The following TBC1D22A variants were observed in gnomAD, a reference collection of about 807,000 sequenced individuals.
TBC1D22A encodes the protein putative GTPase activator.
TBC1D22A carries 38 observed loss-of-function variants against 60.2 expected under a neutral mutation model. The observed-to-expected ratio is 0.63, with a 90% confidence interval of 0.49 to 0.83. The LOEUF is 0.83. Ranked by LOEUF, TBC1D22A falls within the 40% of genes least tolerant of loss-of-function variation. The pLI is 0.00. For missense variants in TBC1D22A, 628 were observed against 701.0 expected (o/e 0.90, Z 1.18); for synonymous variants, 302 against 281.7 (o/e 1.07, Z -0.72).
intron 12 of TBC1D22A, among the ~76,000 whole-genome samples, chr22:47,167,472 G>T (rs917109141): frequency 6.6e-6 from 1 of 152,240 alleles, no homozygotes; most frequent in African/African-American, 2.4e-5. Context: ...GAGGGTTACA[G>T]CTCTTTTACT....
At chr22:46,883,727 C>A (rs2067967671) in intron 5 of TBC1D22A, among the ~76,000 whole-genome samples, 1 of 152,214 alleles carries the variant, frequency 6.6e-6, no homozygotes, top group South Asian at 2.1e-4. Flanking sequence ...GAAGGCTGGG[C>A]CCCTTCACTG....
At chr22:46,891,939 A>G (rs2147605855) in intron 6 of TBC1D22A, among the ~76,000 whole-genome samples, 1 of 152,348 alleles carries the variant, frequency 6.6e-6, no homozygotes, top group Non-Finnish European at 1.5e-5. Context: ...TTTGTGATTT[A>G]GTTTAATATA....
chr22:47,074,918 A>G (rs2064141107), intron 11 of TBC1D22A, among the ~76,000 whole-genome samples: 1 of 152,190 alleles, frequency 6.6e-6, no homozygotes, highest in African/African-American at 2.4e-5. Flanking sequence ...AGATTGAACA[A>G]AGGGGTGTAA....
Position 46,991,942 on chromosome 22 carries a change from C to T in TBC1D22A, c.1126-5692C>T, listed in dbSNP as rs148620253. Among the ~76,000 whole-genome samples, 87 of 152,346 alleles carry T rather than the reference C, an allele frequency of 5.7e-4. 1 individual carries two copies. In the East Asian group the frequency reaches 0.015, roughly 27 times the overall value. On this transcript the variant is annotated intron_variant, in intron 9 of 12. Coordinates refer to ENST00000337137, the MANE Select transcript of TBC1D22A (RefSeq NM_014346.5). ...CATCTCTGCTCAGACCTCACACCCT[C>T]CAAGTGGTCTTCCAGGACCAGCCCT...
At chr22:46,822,326 C>T (rs2085866488) in intron 4 of TBC1D22A, among the ~76,000 whole-genome samples, 1 of 147,862 alleles carries the variant, frequency 6.8e-6, no homozygotes, top group Non-Finnish European at 1.5e-5. Flanking sequence ...GCACTCTGGC[C>T]TTTTGGGTTT....
intron 4 of TBC1D22A, among the ~76,000 whole-genome samples, chr22:46,798,634 A>G (rs2084761377): frequency 6.6e-6 from 1 of 152,210 alleles, no homozygotes; most frequent in African/African-American, 2.4e-5. Flanking sequence ...GGTGTTTGCT[A>G]GACGCTGGAG....
chr22:46,762,883 G>GGGTCAGA (rs1174863287), intron 1 of TBC1D22A, 35 bp downstream of exon 1: 5 of 1,470,204 alleles, frequency 3.4e-6, no homozygotes, highest in Non-Finnish European at 4.5e-6. Context: ...TCGGGGTCAG[G>GGGTCAGA]GGTCAGAGGT....
chr22:47,010,019 CA>C (rs2061710226), intron 10 of TBC1D22A, among the ~76,000 whole-genome samples: 1 of 152,242 alleles, frequency 6.6e-6, no homozygotes, highest in African/African-American at 2.4e-5. Flanking sequence ...AAAATGCCAA[CA>C]AAACGCGGTA....
intron 1 of TBC1D22A, among the ~76,000 whole-genome samples, chr22:46,775,275 C>A (rs971012713): frequency 6.6e-6 from 1 of 152,318 alleles, no homozygotes; most frequent in Middle Eastern, 3.4e-3. Context: ...GGGAGGCTAG[C>A]GAGTTGCCTG....
At chr22:47,161,659 G>A (rs2067988748) in intron 12 of TBC1D22A, among the ~76,000 whole-genome samples, 1 of 152,226 alleles carries the variant, frequency 6.6e-6, no homozygotes, top group Admixed American at 6.5e-5. Flanking sequence ...AAGGGGCTGA[G>A]TGTCTCGTCT....
chr22:46,769,093 C>CAAAAAAAA (rs61105868), intron 1 of TBC1D22A, among the ~76,000 whole-genome samples: 1 of 72,648 alleles, frequency 1.4e-5, no homozygotes, highest in Non-Finnish European at 2.5e-5. Flanking sequence ...GACTCTGTCT[C>CAAAAAAAA]AAAAAAAAAA....
chr22:47,034,982 G>A (rs1241596540), intron 10 of TBC1D22A, among the ~76,000 whole-genome samples: 1 of 152,038 alleles, frequency 6.6e-6, no homozygotes, highest in Non-Finnish European at 1.5e-5. Context: ...CCAGCCACTC[G>A]TCCACCCAAA....
chr22:46,800,438 A>G (rs2084847388), intron 4 of TBC1D22A, among the ~76,000 whole-genome samples: 1 of 152,150 alleles, frequency 6.6e-6, no homozygotes, highest in African/African-American at 2.4e-5. Flanking sequence ...CTAGCATGCC[A>G]GTGCCCCTTC....
At chr22:46,807,972 GAAAAAGCAAAAAAATAA>G (rs2085221597) in intron 4 of TBC1D22A, among the ~76,000 whole-genome samples, 1 of 150,400 alleles carries the variant, frequency 6.6e-6, no homozygotes, top group African/African-American at 2.4e-5. Flanking sequence ...GTCTCTAAAA[GAAAAAGCAAAAAAATAA>G]AAAAGAAACT....
rs940301187 is a variant in TBC1D22A at position 47,051,056 on chromosome 22, G to C, written c.1329+13858G>C. The stretch of plus-strand genomic sequence containing the variant: ...GGCGGCGGCTCTGGGGCTTCCCCAG[G>C]GGGCTTCCGTGGGTTCTGCCCTGTG... On this transcript the variant is annotated intron_variant, in intron 11 of 12. Transcript: ENST00000337137. Among the ~76,000 whole-genome samples, 4 of 152,190 alleles carry C rather than the reference G, an allele frequency of 2.6e-5. No individual in the cohort carries two copies. In the South Asian group the frequency reaches 6.2e-4, roughly 24 times the overall value.
At chr22:46,923,401 A>G (rs973181561) in intron 8 of TBC1D22A, among the ~76,000 whole-genome samples, 1 of 152,200 alleles carries the variant, frequency 6.6e-6, no homozygotes, top group Non-Finnish European at 1.5e-5. Context: ...GCACCATGGT[A>G]TCACCTCTGT....
At chr22:47,150,802 C>T (rs1441765240) in intron 12 of TBC1D22A, among the ~76,000 whole-genome samples, 4 of 152,284 alleles carry the variant, frequency 2.6e-5, no homozygotes, top group Admixed American at 1.3e-4. Flanking sequence ...CCTGCACCCA[C>T]GGGGCTCCCG....
At chr22:46,949,130 A>T (rs1407630008) in intron 8 of TBC1D22A, among the ~76,000 whole-genome samples, 2 of 152,216 alleles carry the variant, frequency 1.3e-5, no homozygotes, top group Admixed American at 1.3e-4. Context: ...GTCTTTGTTC[A>T]AGAGACTGAT....
chr22:47,161,486 C>A (rs1418598249), intron 12 of TBC1D22A, among the ~76,000 whole-genome samples: 1 of 152,224 alleles, frequency 6.6e-6, no homozygotes, highest in Non-Finnish European at 1.5e-5. Context: ...CATGGATAGA[C>A]CAAAATTGCC....
Sources: gnomAD v4.1 joint callset for allele counts (sites outside exome capture counted in the v4.1 genomes callset) on GRCh38, gnomAD v4.1.1 for gene constraint, MANE v1.5 for transcripts, NCBI Gene and HGNC (gene_info 2026-07-23, HGNC 2026-07-21) for gene names.